Variants in RNF167 observed in about 807,000 individuals in gnomAD.
The protein encoded by RNF167 is E3 ubiquitin-protein ligase RNF167.
Under a neutral mutation model 34.8 loss-of-function variants are expected in RNF167, and 19 were observed. The ratio of observed to expected loss-of-function variants is 0.55; its 90% CI spans 0.38 to 0.80. The LOEUF is 0.80. Among genes scored for constraint, RNF167 ranks in the 30% least tolerant of loss-of-function variants. The probability of loss-of-function intolerance (pLI) is 0.00; values close to 1 mark genes in which losing one functional copy is unlikely to be tolerated. For missense variants in RNF167, 464 were observed against 447.0 expected (o/e 1.04, Z -0.34); for synonymous variants, 200 against 170.4 (o/e 1.17, Z -1.35).
intron 5 of RNF167, 42 bp from the exon 6 acceptor site, chr17:4,942,809 A>G: frequency 6.2e-7 from 1 of 1,601,226 alleles, no homozygotes. Flanking sequence ...GGATTTGAGT[A>G]GAAGGTTGTG....
rs1971294554 is a variant in RNF167, at chr17:4,945,151, GTGGAGC to G, written c.*139_*144del. 1 of 790,220 alleles carries G rather than the reference GTGGAGC, an allele frequency of 1.3e-6. No homozygotes were observed. The highest frequency in any genetic ancestry group is 1.9e-6 in the Non-Finnish European group (1 of 518,600). 49.0% of individuals were successfully genotyped at this position (790,220 alleles called of 1,614,324 possible). ...ACCTATCCTTTTGAGGGGCTTTGGG[GTGGAGC>G]TGGGGCAAGCAGAGGGACTGGGTCT... is the stretch of plus-strand genomic sequence containing the variant. On this transcript the variant is annotated 3_prime_UTR_variant, in exon 10 of 10. Transcript: ENST00000262482.
chr17:4,942,504 TA>T (rs746358046), intron 4 of RNF167, 38 bp downstream of exon 4: 8 of 1,606,272 alleles, frequency 5.0e-6, no homozygotes, highest in Admixed American at 1.7e-5. Context: ...CAGCTGAGGG[TA>T]AAAAAAAGGC....
At chr17:4,941,228 A>G (rs927872055) in intron 3 of RNF167, 71 bp downstream of exon 3, 15 of 1,363,126 alleles carry the variant, frequency 1.1e-5, no homozygotes, top group Non-Finnish European at 1.4e-5. Context: ...TTTTTTTAGT[A>G]TTTCGCAAGA....
At position 4,944,875 on chromosome 17, in the gene RNF167, C is replaced by G. The variant is rs1452514778; in HGVS notation, c.912C>G (p.Ala304=). 2 of 1,613,994 alleles carry G rather than the reference C, an allele frequency of 1.2e-6. No individual in the cohort carries two copies. The highest frequency in any genetic ancestry group is 4.5e-5 in the East Asian group (2 of 44,874). ...GDEGEPRDHP[A]SERTPLLGSS... Reference sequence around the variant, plus strand: ...AAGGGGAGCCAAGGGACCACCCTGCCTCAGAAAGGACCCCACTTTTGGGTT... The same window carrying G: ...AAGGGGAGCCAAGGGACCACCCTGCGTCAGAAAGGACCCCACTTTTGGGTT... The change falls in exon 10 of 10, where the codon GCC becomes GCG. Residue 304 remains alanine (A), a synonymous_variant. Transcript: ENST00000262482.
chr17:4,944,541 TTTTC>T lies in RNF167; in HGVS notation c.671-11_671-8del, dbSNP rs376146040. On this transcript the variant is annotated splice_polypyrimidine_tract_variant and intron_variant, in intron 8 of 9. Transcript: ENST00000262482. ...TGTGGCTCAGTGAAGGACTAGATTA[TTTTC>T]TTTCTGTCCCAGGAGACCAGTATGA... is the stretch of plus-strand genomic sequence containing the variant. 1.3e-6 allele frequency: 2 copies of T among 1,561,584 alleles called. No individual in the cohort carries two copies. Among genetic ancestry groups the T allele is most frequent in the Non-Finnish European group, 1.7e-6 (2 of 1,153,206 alleles).
chr17:4,944,665 C>T (rs1971205510), intron 9 of RNF167, 27 bp downstream of exon 9: 9 of 1,614,084 alleles, frequency 5.6e-6, no homozygotes, highest in East Asian at 2.2e-5. Flanking sequence ...CTGCCCATGC[C>T]CCTCTGCCAC....
rs149701695 is a variant in RNF167, at chr17:4,944,981, C to G, written c.1018C>G (p.Leu340Val). Residue 340 changes from leucine (L) to valine (V), a missense_variant, in exon 10 of 10, where the codon CTG becomes GTG. Physicochemically the swap from Leu to Val is conservative, Grantham distance 32. Transcript: ENST00000262482. ...TCCTGGGCCTTCAACAGATCCCCCA[C>G]TGTCCCCTCCCTCTTCCCCTGTTAT... Reference protein sequence around the residue: ...VFPGPSTDPPLSPPSSPVILV With the variant: ...VFPGPSTDPPVSPPSSPVILV 1.9e-6 allele frequency: 3 copies of G among 1,581,170 alleles called. No individual in the cohort carries two copies. The South Asian group carries it at 3.5e-5, about 18-fold the overall frequency.
At position 4,943,111 on chromosome 17, in the gene RNF167, T is replaced by TA. The variant is rs1202807641; in HGVS notation, c.471-67dup. 8.3e-6 allele frequency: 12 copies of TA among 1,439,160 alleles called. No individual in the cohort carries two copies. The African/African-American group carries it at 1.5e-4, about 18-fold the overall frequency. 89.1% of individuals were successfully genotyped at this position (1,439,160 alleles called of 1,614,324 possible). A position where few individuals can be genotyped will look rare whatever the true frequency, so the allele number is the denominator to read the frequency against. On this transcript the variant is annotated intron_variant, in intron 6 of 9. Coordinates refer to ENST00000262482, the MANE Select transcript of RNF167 (RefSeq NM_015528.3). Reference sequence around the variant, plus strand: ...CCTATGGGCTTTGTCCAGAGCCAGTTACTTTGTCCCTCTTTTTTTCTCCCT... The same window carrying TA: ...CCTATGGGCTTTGTCCAGAGCCAGTTAACTTTGTCCCTCTTTTTTTCTCCCT...
rs763668375 is a variant in RNF167 at position 4,941,118 on chromosome 17, A to G, written c.126A>G (p.Pro42=). The G allele has an allele frequency of 2.5e-6, 4 of 1,614,096 alleles. No homozygotes were observed. The highest frequency in any genetic ancestry group is 1.7e-5 in the Admixed American group (1 of 60,008). The stretch of plus-strand genomic sequence containing the variant: ...CCAGCATGGACTTTGCAGACCTTCC[A>G]GCTCTGTTTGGGGCTACCTTGAGCC... The part of the protein sequence containing the change: ...HNASMDFADL[P]ALFGATLSQE... The change falls in exon 3 of 10, where the codon CCA becomes CCG. Residue 42 remains proline (P), a synonymous_variant. Transcript: ENST00000262482.
In RNF167 at chr17:4,940,974, C is replaced by T. The variant is rs769044376; in HGVS notation, c.65C>T (p.Thr22Ile). 3.1e-6 allele frequency: 5 copies of T among 1,612,298 alleles called. No individual in the cohort carries two copies. The Admixed American group carries it at 5.0e-5, about 16-fold the overall frequency. ...VAAVLWGAAP[T>I]RGLIRATSDH... ...GCTGTGCTGTGGGGAGCGGCCCCGA[C>T]CCGGGGGCTCATTCGAGCGGTGAGT... is the stretch of plus-strand genomic sequence containing the variant. Residue 22 changes from threonine to isoleucine, a missense_variant, in exon 2 of 10, where the codon ACC becomes ATC. By Grantham distance (89) the Thr-to-Ile change is moderately conservative. Coordinates refer to ENST00000262482, the MANE Select transcript of RNF167 (RefSeq NM_015528.3).
At chr17:4,944,133 G>A (rs1372821661) in intron 8 of RNF167, among the ~76,000 whole-genome samples, 2 of 152,214 alleles carry the variant, frequency 1.3e-5, no homozygotes, top group South Asian at 2.1e-4. Context: ...ATAATTGTGG[G>A]AAACAATAGA....
In RNF167 at chr17:4,940,936, T is replaced by C. The variant is rs549962523; in HGVS notation, c.27T>C (p.Pro9=). MHPAAFPL[P]VVVAAVLWGA... ...TGCACCCTGCAGCCTTCCCGCTTCC[T>C]GTGGTTGTGGCCGCTGTGCTGTGGG... is the stretch of plus-strand genomic sequence containing the variant. Residue 9 remains proline, a synonymous_variant, in exon 2 of 10, where the codon CCT becomes CCC. Transcript: ENST00000262482. 3.1e-6 allele frequency: 5 copies of C among 1,609,604 alleles called. No individual in the cohort carries two copies. Among genetic ancestry groups the C allele is most frequent in the African/African-American group, 2.7e-5 (2 of 74,970 alleles).
At position 4,945,174 on chromosome 17, in the gene RNF167, ACTGGG is replaced by A; in HGVS notation, c.*159_*163del. ...GGGTGGAGCTGGGGCAAGCAGAGGG[ACTGGG>A]TCTTCACTTCTTGGGCTAATAAAAT... On this transcript the variant is annotated 3_prime_UTR_variant, in exon 10 of 10. Transcript: ENST00000262482. The A allele has an allele frequency of 3.3e-6, 2 of 606,400 alleles. No individual in the cohort carries two copies. Among genetic ancestry groups the A allele is most frequent in the Admixed American group, 3.1e-5 (1 of 32,104 alleles). The allele number at this position is 606,400 out of a possible 1,614,324, so 37.6% of individuals were successfully genotyped here.
intron 6 of RNF167, 116 bp from the exon 7 acceptor site, chr17:4,943,063 C>T (rs1338210280): frequency 7.7e-7 from 1 of 1,301,578 alleles, no homozygotes; most frequent in East Asian, 2.3e-5. Context: ...GCCTCTTTGA[C>T]TTTCTTCCCA....
rs1971042895 is a variant in RNF167 at position 4,943,476 on chromosome 17, C to T, written c.627C>T (p.Thr209=). 6 of 1,613,878 alleles carry T rather than the reference C, an allele frequency of 3.7e-6. No individual in the cohort carries two copies. The highest frequency in any genetic ancestry group is 5.1e-6 in the Non-Finnish European group (6 of 1,179,976). ...AACGGCTCCAGCGGAATCGACTTAC[C>T]AAAGAGCAACTGAAACAGATTCCTA... The part of the protein sequence containing the change: ...HRKRLQRNRL[T]KEQLKQIPTH... Residue 209 remains threonine (T), a synonymous_variant, in exon 8 of 10, where the codon ACC becomes ACT. Coordinates refer to ENST00000262482, the MANE Select transcript of RNF167 (RefSeq NM_015528.3).
intron 7 of RNF167, 61 bp from the exon 8 acceptor site, chr17:4,943,365 C>A: frequency 1.3e-6 from 2 of 1,584,512 alleles, no homozygotes; most frequent in Non-Finnish European, 1.7e-6. Context: ...ATGGGAGTGG[C>A]TTGTCCTAGA....
In RNF167 at chr17:4,941,204, TTCTG is replaced by T. The variant is rs752377798; in HGVS notation, c.165+51_165+54del. On this transcript the variant is annotated intron_variant, in intron 3 of 9. Coordinates refer to ENST00000262482, the MANE Select transcript of RNF167 (RefSeq NM_015528.3). ...TCCTCCTTCCCTCCCTTCCTTCCTT[TTCTG>T]TCTTTTTTCTTTTTTTAGTATTTCG... 80 of 1,529,582 alleles carry T rather than the reference TTCTG, an allele frequency of 5.2e-5. No homozygotes were observed. The African/African-American group carries it at 6.3e-4, about 12-fold the overall frequency. 94.8% of individuals were successfully genotyped at this position (1,529,582 alleles called of 1,614,324 possible). A position where few individuals can be genotyped will look rare whatever the true frequency, so the allele number is the denominator to read the frequency against.
In RNF167 at chr17:4,941,148, G is replaced by T; in HGVS notation, c.156G>T (p.Glu52Asp). 6.2e-7 allele frequency: 1 copy of T among 1,613,724 alleles called. No homozygotes were observed. The highest frequency in any genetic ancestry group is 8.5e-7 in the Non-Finnish European group (1 of 1,179,610). The change falls in exon 3 of 10, where the codon GAG becomes GAT. Residue 52 changes from glutamate to aspartate, a missense_variant. Coordinates refer to ENST00000262482, the MANE Select transcript of RNF167 (RefSeq NM_015528.3). ...PALFGATLSQ[E>D]GLQGFLVEAH... ...TGTTTGGGGCTACCTTGAGCCAGGA[G>T]GGCCTCCAGGTGATTTTCTTTCTTT...
Position 4,945,058 on chromosome 17 carries a change from A to G in RNF167, c.*42A>G. ...CACCTCTGGTGACCTATTTGCACAGACCGTCGTCTTCCCTCCAGTCTTCTG... is the reference window on the plus strand; with the variant it reads ...CACCTCTGGTGACCTATTTGCACAGGCCGTCGTCTTCCCTCCAGTCTTCTG... On this transcript the variant is annotated 3_prime_UTR_variant, in exon 10 of 10. Coordinates refer to ENST00000262482, the MANE Select transcript of RNF167 (RefSeq NM_015528.3). 1 of 1,469,724 alleles carries G rather than the reference A, an allele frequency of 6.8e-7. No individual in the cohort carries two copies. Among genetic ancestry groups the G allele is most frequent in the Non-Finnish European group, 9.1e-7 (1 of 1,096,672 alleles). 91.0% of individuals were successfully genotyped at this position (1,469,724 alleles called of 1,614,324 possible).
Sources: allele counts gnomAD v4.1 joint callset (sites outside exome capture counted in the v4.1 genomes callset), GRCh38; gene constraint gnomAD v4.1.1; transcripts MANE v1.5; gene names NCBI Gene and HGNC (gene_info 2026-07-23, HGNC 2026-07-21).